The following ADGRB3 variants were observed in gnomAD, a reference collection of about 807,000 sequenced individuals.
ADGRB3 encodes the protein brain-specific angiogenesis inhibitor 3.
Under a neutral mutation model 193.4 loss-of-function variants are expected in ADGRB3, and 37 were observed. The observed-to-expected ratio is 0.19, with a 90% CI of 0.15 to 0.25. The LOEUF is 0.25. Ranked by LOEUF, ADGRB3 falls within the 10% of genes least tolerant of loss-of-function variation. The pLI is 1.00. For synonymous variants in ADGRB3, 690 were observed against 644.2 expected, an observed-to-expected ratio of 1.07 and a Z score of -1.08; for missense variants, 1,637 against 1,852.9, an observed-to-expected ratio of 0.88 and a Z score of 2.14.
chr6:68,818,662 T>G (rs772230015), intron 3 of ADGRB3, among the ~76,000 whole-genome samples: 9 of 152,226 alleles, frequency 5.9e-5, no homozygotes, highest in Non-Finnish European at 1.3e-4. Context: ...AAATGTGGTT[T>G]TAATTATTTA....
intron 3 of ADGRB3, among the ~76,000 whole-genome samples, chr6:68,755,409 A>G (rs1012941182): frequency 5.9e-5 from 9 of 152,084 alleles, no homozygotes; most frequent in Non-Finnish European, 1.3e-4. Flanking sequence ...CATTAGAGAG[A>G]AGGATAAGAG....
chr6:69,314,676 G>A (rs558933451), intron 20 of ADGRB3, among the ~76,000 whole-genome samples: 19 of 151,622 alleles, frequency 1.3e-4, no homozygotes, highest in Middle Eastern at 3.4e-3. Flanking sequence ...ACATCCAAGG[G>A]AAAGAAAGCA....
intron 16 of ADGRB3, among the ~76,000 whole-genome samples, chr6:69,071,357 A>G (rs868621787): frequency 3.2e-4 from 35 of 109,426 alleles, no homozygotes; most frequent in Non-Finnish European, 5.9e-4. Context: ...TATGCAGTTC[A>G]ACAAAAGAGA....
chr6:69,107,979 A>G (rs565409396), intron 17 of ADGRB3, among the ~76,000 whole-genome samples: 2 of 152,030 alleles, frequency 1.3e-5, no homozygotes, highest in African/African-American at 4.8e-5. Context: ...CCCAAACCTC[A>G]GTACCATGCA....
At chr6:69,166,116 C>T (rs751138909) in intron 17 of ADGRB3, among the ~76,000 whole-genome samples, 1 of 152,076 alleles carries the variant, frequency 6.6e-6, no homozygotes, top group Non-Finnish European at 1.5e-5. Flanking sequence ...TATTACTTCC[C>T]ACCATTAACA....
At chr6:69,023,210 T>A (rs947222) in intron 13 of ADGRB3, among the ~76,000 whole-genome samples, 140,616 of 152,208 alleles carry the variant, frequency 0.92, 65,878 homozygotes, top group East Asian at 1. Context: ...AAAATAAATG[T>A]CTAATCTTCT....
chr6:69,069,206 A>G (rs1771998565), intron 16 of ADGRB3, among the ~76,000 whole-genome samples: 1 of 152,106 alleles, frequency 6.6e-6, no homozygotes, highest in Admixed American at 6.6e-5. Flanking sequence ...AAGAACATCC[A>G]GGAGATTACT....
chr6:68,958,812 A>T (rs1276160883), intron 8 of ADGRB3, among the ~76,000 whole-genome samples: 1 of 152,024 alleles, frequency 6.6e-6, no homozygotes, highest in East Asian at 1.9e-4. Context: ...ATTAAAAAGA[A>T]TTCTTGAATC....
At chr6:69,270,348 T>C (rs1767145332) in intron 20 of ADGRB3, among the ~76,000 whole-genome samples, 1 of 152,172 alleles carries the variant, frequency 6.6e-6, no homozygotes. Flanking sequence ...TCTGCTCTTT[T>C]AAACATCAGT....
chr6:69,014,098 G>C lies in ADGRB3; in HGVS notation c.1990G>C (p.Ala664Pro), dbSNP rs1292031281. 6.2e-7 allele frequency: 1 copy of C among 1,602,696 alleles called. No individual in the cohort carries two copies. The highest frequency in any genetic ancestry group is 8.5e-7 in the Non-Finnish European group (1 of 1,173,142). The change falls in exon 12 of 32, where the codon GCA becomes CCA. Residue 664 changes from alanine to proline, a missense_variant. Physicochemically the swap from Ala to Pro is conservative, Grantham distance 27 (BLOSUM62 -1). This residue lies in a region of ADGRB3 where 641 missense variants were observed against 673.9 expected (regional missense o/e 0.95). Transcript: ENST00000370598. ...DEENKEKWED[A>P]QQIYPGSIEL... ...AGAAAACAAGGAAAAATGGGAAGATGCACAACAGGTAAGGTTAGGGTTATT... is the reference window on the plus strand; with the variant it reads ...AGAAAACAAGGAAAAATGGGAAGATCCACAACAGGTAAGGTTAGGGTTATT...
intron 3 of ADGRB3, among the ~76,000 whole-genome samples, chr6:68,830,676 T>C (rs1447693391): frequency 6.6e-6 from 1 of 152,126 alleles, no homozygotes; most frequent in Non-Finnish European, 1.5e-5. Flanking sequence ...GAGAGGAAAC[T>C]AAGTTGATAT....
At chr6:69,308,658 G>A in intron 20 of ADGRB3, among the ~76,000 whole-genome samples, 1 of 151,576 alleles carries the variant, frequency 6.6e-6, no homozygotes, top group Non-Finnish European at 1.5e-5. Flanking sequence ...TAAAAGAGTG[G>A]TAAAGAAAAA....
At chr6:69,200,355 A>G (rs1765393555) in intron 17 of ADGRB3, among the ~76,000 whole-genome samples, 1 of 152,092 alleles carries the variant, frequency 6.6e-6, no homozygotes, top group Non-Finnish European at 1.5e-5. Context: ...TGTGGCAGAG[A>G]GAACATTAAG....
intron 17 of ADGRB3, among the ~76,000 whole-genome samples, chr6:69,223,313 C>T (rs1765938961): frequency 6.6e-6 from 1 of 152,120 alleles, no homozygotes; most frequent in Admixed American, 6.6e-5. Context: ...ATATCAAAAT[C>T]ACATATTCCT....
chr6:69,193,367 C>T (rs1379413323), intron 17 of ADGRB3, among the ~76,000 whole-genome samples: 1 of 152,202 alleles, frequency 6.6e-6, no homozygotes, highest in African/African-American at 2.4e-5. Flanking sequence ...TTCTTTTGAG[C>T]CTGTTCTCAC....
At position 69,247,899 on chromosome 6, in the gene ADGRB3, T is replaced by A. The variant is rs569258397; in HGVS notation, c.2814+8673T>A. 2.0e-5 allele frequency among the ~76,000 whole-genome samples: 3 copies of A among 152,276 alleles called. No individual in the cohort carries two copies. The South Asian group carries it at 6.2e-4, about 32-fold the overall frequency. ...ATTATAATGGAGGTCAATTTTTTTT[T>A]ATTATTGTTGTATTGTTGCCATTTT... On this transcript the variant is annotated intron_variant, in intron 20 of 31. Coordinates refer to ENST00000370598, the MANE Select transcript of ADGRB3 (RefSeq NM_001704.3).
intron 3 of ADGRB3, among the ~76,000 whole-genome samples, chr6:68,819,008 G>C (rs1375400067): frequency 6.6e-6 from 1 of 152,062 alleles, no homozygotes; most frequent in Admixed American, 6.6e-5. Context: ...AAATTTTACA[G>C]CTGTCATCTG....
intron 3 of ADGRB3, among the ~76,000 whole-genome samples, chr6:68,796,659 C>T (rs965010330): frequency 1.9e-4 from 29 of 152,110 alleles, no homozygotes; most frequent in African/African-American, 4.8e-4. Context: ...ACCCAAGTTC[C>T]GAAATCTGTG....
intron 3 of ADGRB3, among the ~76,000 whole-genome samples, chr6:68,853,083 T>C (rs1226824348): frequency 6.6e-6 from 1 of 152,086 alleles, no homozygotes; most frequent in Non-Finnish European, 1.5e-5. Context: ...GTTTACATTG[T>C]ATGTATTCTA....
Sources: allele counts gnomAD v4.1 joint callset (sites outside exome capture counted in the v4.1 genomes callset), GRCh38; gene constraint gnomAD v4.1.1; regional missense constraint gnomAD v4.1.1; transcripts MANE v1.5; gene names NCBI Gene and HGNC (gene_info 2026-07-23, HGNC 2026-07-21).